The following MON2 variants were observed in gnomAD, a reference collection of about 807,000 sequenced individuals.
MON2 encodes MON2 regulator of endosome-to-Golgi trafficking.
Under a neutral mutation model 208.6 loss-of-function variants are expected in MON2, and 84 were observed. That is an observed-to-expected ratio of 0.40 (90% confidence interval 0.34 to 0.48). The LOEUF is 0.48. Ranked by LOEUF, MON2 falls within the 20% of genes least tolerant of loss-of-function variation. The pLI is 0.59. For synonymous variants in MON2, 660 were observed against 694.0 expected, an observed-to-expected ratio of 0.95 and a Z score of 0.77; for missense variants, 1,611 against 2,015.4, an observed-to-expected ratio of 0.80 and a Z score of 3.84.
Position 62,595,684 on chromosome 12 carries a change from T to C in MON2, c.*2935T>C, listed in dbSNP as rs1052683118. On this transcript the variant is annotated 3_prime_UTR_variant, in exon 35 of 35. Coordinates refer to ENST00000393630, the MANE Select transcript of MON2 (RefSeq NM_015026.3). Reference sequence around the variant, plus strand: ...AAAATACATCATTTTGTAATGTCTTTAGTATTTCTTTATAACTAGTGTTAA... The same window carrying C: ...AAAATACATCATTTTGTAATGTCTTCAGTATTTCTTTATAACTAGTGTTAA... The C allele has an allele frequency of 3.9e-5, 6 of 152,252 alleles. No individual in the cohort carries two copies. The highest frequency in any genetic ancestry group is 1.4e-4 in the African/African-American group (6 of 41,464). 9.4% of individuals were successfully genotyped at this position (152,252 alleles called of 1,614,324 possible).
At chr12:62,479,862 C>T (rs534827702) in intron 1 of MON2, among the ~76,000 whole-genome samples, 6 of 152,124 alleles carry the variant, frequency 3.9e-5, no homozygotes, top group Admixed American at 3.3e-4. Context: ...TGCAGATATA[C>T]GTGGTATCTG....
chr12:62,581,834 A>G (rs1286590912), intron 32 of MON2, among the ~76,000 whole-genome samples: 2 of 152,206 alleles, frequency 1.3e-5, no homozygotes, highest in African/African-American at 2.4e-5. Flanking sequence ...TCTCAAAAAC[A>G]AAAAAGAAAA....
intron 1 of MON2, among the ~76,000 whole-genome samples, chr12:62,478,491 T>C (rs2069216150): frequency 6.6e-6 from 1 of 152,210 alleles, no homozygotes; most frequent in South Asian, 2.1e-4. Context: ...CATAAGTCTA[T>C]AGCTATCATC....
chr12:62,497,340 C>T lies in MON2; in HGVS notation c.436-1579C>T, dbSNP rs981089244. 2.0e-5 allele frequency among the ~76,000 whole-genome samples: 3 copies of T among 152,226 alleles called. 1 individual carries two copies. Among genetic ancestry groups the T allele is most frequent in the South Asian group, 4.1e-4 (2 of 4,824 alleles). ...AAAAAAAATTCATTCATAACACAGACAACCCAATTAAGTATGGACAAATGG... is the reference window on the plus strand; with the variant it reads ...AAAAAAAATTCATTCATAACACAGATAACCCAATTAAGTATGGACAAATGG... On this transcript the variant is annotated intron_variant, in intron 4 of 34. Transcript: ENST00000393630.
At chr12:62,476,176 A>G (rs1447370938) in intron 1 of MON2, among the ~76,000 whole-genome samples, 1 of 152,152 alleles carries the variant, frequency 6.6e-6, no homozygotes, top group Non-Finnish European at 1.5e-5. Context: ...ATAGGTATAT[A>G]TTTTTAGAAG....
rs375788698 is a variant in MON2 at position 62,496,823 on chromosome 12, C to T, written c.435+1676C>T. Among the ~76,000 whole-genome samples, 710 of 151,596 alleles carry T rather than the reference C, an allele frequency of 4.7e-3. 6 individuals are homozygous for T. The highest frequency in any genetic ancestry group is 0.016 in the African/African-American group (655 of 41,304). On this transcript the variant is annotated intron_variant, in intron 4 of 34. Transcript: ENST00000393630. ...CATTACTGGGTATATACCCAAAGGA[C>T]TATAAATCATGCTGCTATAAAGACA... is the stretch of plus-strand genomic sequence containing the variant.
intron 2 of MON2, 116 bp from the exon 3 acceptor site, chr12:62,493,798 AT>A: frequency 1.4e-6 from 1 of 720,820 alleles, no homozygotes; most frequent in Non-Finnish European, 2.1e-6. Flanking sequence ...TTTGGTGTTT[AT>A]TTTACGTAAA....
chr12:62,492,014 A>C (rs962638087), intron 2 of MON2, among the ~76,000 whole-genome samples: 3 of 152,232 alleles, frequency 2.0e-5, no homozygotes, highest in African/African-American at 7.2e-5. Flanking sequence ...CTTTGTGTAC[A>C]AGAAAGCAAG....
intron 8 of MON2, among the ~76,000 whole-genome samples, chr12:62,518,827 A>G (rs1435201214): frequency 6.6e-6 from 1 of 152,182 alleles, no homozygotes; most frequent in Non-Finnish European, 1.5e-5. Context: ...TCAGATATAT[A>G]TAAGAAAGTA....
chr12:62,560,693 C>T lies in MON2; in HGVS notation c.3612C>T (p.Gly1204=). 2.5e-6 allele frequency: 4 copies of T among 1,614,028 alleles called. No homozygotes were observed. The highest frequency in any genetic ancestry group is 3.4e-6 in the Non-Finnish European group (4 of 1,179,980). Residue 1204 remains glycine (G), a synonymous_variant, in exon 26 of 35, where the codon GGC becomes GGT. Transcript: ENST00000393630. ...CTGTTCTTATAGGGCCCATATCAGG[C>T]ATGAGCAGGCCATTTGTAAGAACAG... ...PVPVLIGPIS[G]MSRPFVRTDS...
At chr12:62,517,971 T>C (rs927822955) in intron 8 of MON2, among the ~76,000 whole-genome samples, 3 of 152,240 alleles carry the variant, frequency 2.0e-5, no homozygotes, top group Admixed American at 6.5e-5. Context: ...CGGGCTGTTA[T>C]ATAAAATATG....
chr12:62,506,132 A>G (rs894059839), intron 7 of MON2, among the ~76,000 whole-genome samples: 4 of 152,216 alleles, frequency 2.6e-5, no homozygotes, highest in Admixed American at 6.5e-5. Context: ...GTATGTTTAT[A>G]TATTTTAACC....
At chr12:62,571,222 T>A (rs1423844209) in intron 29 of MON2, among the ~76,000 whole-genome samples, 170 bp from the exon 30 acceptor site, 1 of 152,214 alleles carries the variant, frequency 6.6e-6, no homozygotes, top group Non-Finnish European at 1.5e-5. Flanking sequence ...ATTTGAGGAC[T>A]ACGTCTGAGA....
chr12:62,581,190 T>A (rs1047868344), intron 32 of MON2, among the ~76,000 whole-genome samples: 3 of 152,248 alleles, frequency 2.0e-5, no homozygotes, highest in Non-Finnish European at 4.4e-5. Context: ...GGAACTGATA[T>A]ATAAATTACT....
intron 29 of MON2, among the ~76,000 whole-genome samples, chr12:62,568,523 G>C (rs1322208432): frequency 6.6e-6 from 1 of 151,988 alleles, no homozygotes; most frequent in Non-Finnish European, 1.5e-5. Context: ...ATTTTTTATA[G>C]AGACTGGATC....
At chr12:62,589,808 A>C (rs1002092325) in intron 34 of MON2, among the ~76,000 whole-genome samples, 2 of 151,982 alleles carry the variant, frequency 1.3e-5, no homozygotes, top group Non-Finnish European at 2.9e-5. Flanking sequence ...GCAAAAACTC[A>C]GTAACTCTTT....
intron 11 of MON2, among the ~76,000 whole-genome samples, chr12:62,528,745 G>C (rs2072466893): frequency 6.6e-6 from 1 of 152,124 alleles, no homozygotes; most frequent in Non-Finnish European, 1.5e-5. Context: ...CTAATGAGAT[G>C]CTTAACACTG....
chr12:62,532,505 C>T lies in MON2; in HGVS notation c.1468C>T (p.His490Tyr). 6.2e-7 allele frequency: 1 copy of T among 1,614,088 alleles called. No homozygotes were observed. The highest frequency in any genetic ancestry group is 2.2e-5 in the East Asian group (1 of 44,870). Residue 490 changes from histidine (H) to tyrosine (Y), a missense_variant, in exon 12 of 35, where the codon CAT becomes TAT. Physicochemically the swap from His to Tyr is moderately conservative, Grantham distance 83. Coordinates refer to ENST00000393630, the MANE Select transcript of MON2 (RefSeq NM_015026.3). The stretch of plus-strand genomic sequence containing the variant: ...AGGTTACGCCATGTCTGTGGCATTC[C>T]ATTGTTTGCTAGACCTTGTTCGTGG... ...PEGYAMSVAFHCLLDLVRGIT... is the reference protein window; with the variant it reads ...PEGYAMSVAFYCLLDLVRGIT...
At chr12:62,530,356 G>A (rs971325702) in intron 11 of MON2, among the ~76,000 whole-genome samples, 3 of 150,294 alleles carry the variant, frequency 2.0e-5, no homozygotes, top group Admixed American at 6.7e-5. Context: ...TCAGCCTCCC[G>A]AGTAGCTGTG....
Sources: gnomAD v4.1 joint callset for allele counts (sites outside exome capture counted in the v4.1 genomes callset) on GRCh38, gnomAD v4.1.1 for gene constraint, MANE v1.5 for transcripts, NCBI Gene and HGNC (gene_info 2026-07-23, HGNC 2026-07-21) for gene names.